The following CHCHD6 variants were observed in gnomAD, a reference collection of about 807,000 sequenced individuals.
CHCHD6 encodes the protein MICOS complex subunit MIC25.
A neutral mutation model predicts 32.3 loss-of-function variants in CHCHD6; 28 were observed. The ratio of observed to expected loss-of-function variants is 0.87; its 90% CI spans 0.64 to 1.19. The LOEUF is 1.19. Ranked by LOEUF, CHCHD6 falls within the 50% of genes most tolerant of loss-of-function variation. CHCHD6 has a pLI of 0.00. For missense variants in CHCHD6, 333 were observed against 307.0 expected, an observed-to-expected ratio of 1.08 and a Z score of -0.63; for synonymous variants, 122 against 117.5, an observed-to-expected ratio of 1.04 and a Z score of -0.25.
chr3:126,747,864 C>A (rs954529752), intron 4 of CHCHD6, among the ~76,000 whole-genome samples: 2 of 152,120 alleles, frequency 1.3e-5, no homozygotes, highest in Non-Finnish European at 2.9e-5. Flanking sequence ...TCCTGGGGGC[C>A]GCTAGAGGCT....
At chr3:126,896,796 G>A (rs774551609) in intron 5 of CHCHD6, among the ~76,000 whole-genome samples, 40 of 152,202 alleles carry the variant, frequency 2.6e-4, no homozygotes, top group Non-Finnish European at 4.6e-4. Context: ...ATATGGACTC[G>A]TGGGTGCTGC....
At chr3:126,839,478 A>T (rs1940986188) in intron 4 of CHCHD6, among the ~76,000 whole-genome samples, 1 of 151,840 alleles carries the variant, frequency 6.6e-6, no homozygotes, top group South Asian at 2.1e-4. Flanking sequence ...TGTAGATGAC[A>T]TACAAGTATA....
intron 6 of CHCHD6, among the ~76,000 whole-genome samples, chr3:126,931,322 T>C (rs1269949730): frequency 6.6e-6 from 1 of 152,092 alleles, no homozygotes; most frequent in Non-Finnish European, 1.5e-5. Context: ...CACATGAAGG[T>C]GGAATTCGCA....
chr3:126,920,985 A>G (rs1309486514), intron 6 of CHCHD6, among the ~76,000 whole-genome samples: 1 of 151,918 alleles, frequency 6.6e-6, no homozygotes, highest in Non-Finnish European at 1.5e-5. Context: ...TCCCTCGGGG[A>G]AGAGCATAGG....
chr3:126,931,521 G>A (rs965899064), intron 6 of CHCHD6, among the ~76,000 whole-genome samples: 43 of 152,276 alleles, frequency 2.8e-4, no homozygotes, highest in African/African-American at 9.4e-4. Context: ...GTGGCCCTGC[G>A]ACTGACACGG....
chr3:126,711,741 G>A (rs1403720822), intron 1 of CHCHD6, among the ~76,000 whole-genome samples: 2 of 152,224 alleles, frequency 1.3e-5, no homozygotes, highest in African/African-American at 4.8e-5. Context: ...CAGCTGTAAA[G>A]CTCACCTGGC....
intron 4 of CHCHD6, among the ~76,000 whole-genome samples, chr3:126,844,837 G>T (rs186724737): frequency 7.2e-5 from 11 of 152,260 alleles, no homozygotes; most frequent in Admixed American, 7.2e-4. Flanking sequence ...TCCTTATGAG[G>T]GAAGGGGGAA....
chr3:126,875,521 C>T (rs767648699), intron 5 of CHCHD6, among the ~76,000 whole-genome samples: 8 of 152,222 alleles, frequency 5.3e-5, no homozygotes, highest in Non-Finnish European at 1.0e-4. Context: ...AAATTTGGAA[C>T]ACCAGGGGCA....
At chr3:126,755,838 A>ATG (rs58430251) in intron 4 of CHCHD6, among the ~76,000 whole-genome samples, 44,151 of 145,802 alleles carry the variant, frequency 0.3, 6,482 homozygotes, top group South Asian at 0.37. Context: ...CTGTGTGTGC[A>ATG]TGTGTGTGTG....
At chr3:126,744,124 C>CT (rs1332883148) in intron 4 of CHCHD6, among the ~76,000 whole-genome samples, 1 of 152,212 alleles carries the variant, frequency 6.6e-6, no homozygotes, top group Non-Finnish European at 1.5e-5. Context: ...GTATATTTTC[C>CT]TTTTCTCTCC....
At chr3:126,752,484 C>G (rs1936767770) in intron 4 of CHCHD6, among the ~76,000 whole-genome samples, 1 of 152,174 alleles carries the variant, frequency 6.6e-6, no homozygotes, top group Non-Finnish European at 1.5e-5. Context: ...GGGAGAAGGC[C>G]CCTTCCCCCG....
intron 4 of CHCHD6, among the ~76,000 whole-genome samples, chr3:126,773,009 A>T (rs1044051865): frequency 1.3e-5 from 2 of 152,112 alleles, no homozygotes; most frequent in Non-Finnish European, 2.9e-5. Flanking sequence ...CTGGATATGA[A>T]ATTCTTGGTT....
At chr3:126,712,403 C>CTGTATCACAGTACATTGTTGTGTACA (rs1320928639) in intron 1 of CHCHD6, among the ~76,000 whole-genome samples, 59 of 152,290 alleles carry the variant, frequency 3.9e-4, no homozygotes, top group South Asian at 1.5e-3. Flanking sequence ...TACATTCCTC[C>CTGTATCACAGTACATTGTTGTGTACA]TTTCTTGTAT....
intron 4 of CHCHD6, among the ~76,000 whole-genome samples, chr3:126,742,732 A>G (rs1201311222): frequency 6.6e-6 from 1 of 152,194 alleles, no homozygotes; most frequent in Non-Finnish European, 1.5e-5. Flanking sequence ...CTTCTCAGAG[A>G]GTCCCAGCTA....
chr3:126,931,148 A>G (rs1286679970), intron 6 of CHCHD6, among the ~76,000 whole-genome samples: 1 of 152,158 alleles, frequency 6.6e-6, no homozygotes, highest in Non-Finnish European at 1.5e-5. Flanking sequence ...TCCCACCGTC[A>G]CTGCCCAGCA....
intron 5 of CHCHD6, among the ~76,000 whole-genome samples, chr3:126,912,329 G>A (rs1307944399): frequency 6.6e-6 from 1 of 152,158 alleles, no homozygotes; most frequent in African/African-American, 2.4e-5. Context: ...TGTCCCTACC[G>A]CCTCGCCCAG....
At chr3:126,861,137 A>G (rs577109574) in intron 5 of CHCHD6, among the ~76,000 whole-genome samples, 1 of 152,176 alleles carries the variant, frequency 6.6e-6, no homozygotes, top group Admixed American at 6.5e-5. Context: ...CTGCTGTAAC[A>G]TATCCTTGCT....
chr3:126,774,514 G>A (rs1000622942), intron 4 of CHCHD6, among the ~76,000 whole-genome samples: 3 of 152,114 alleles, frequency 2.0e-5, no homozygotes, highest in Admixed American at 6.5e-5. Flanking sequence ...CTGGAACCAC[G>A]ACTTCGTGCT....
At chr3:126,724,360 G>A (rs1043124434) in intron 1 of CHCHD6, among the ~76,000 whole-genome samples, 3 of 152,168 alleles carry the variant, frequency 2.0e-5, no homozygotes, top group African/African-American at 7.2e-5. Context: ...TGGTTTCCTA[G>A]TGTATATAAG....
Sources: gnomAD v4.1 joint callset for allele counts (sites outside exome capture counted in the v4.1 genomes callset) on GRCh38, gnomAD v4.1.1 for gene constraint, MANE v1.5 for transcripts, NCBI Gene and HGNC (gene_info 2026-07-23, HGNC 2026-07-21) for gene names.